The following SERPINI1 variants were observed in gnomAD, a reference collection of about 807,000 sequenced individuals.
SERPINI1 encodes the protein serpin family I member 1.
In SERPINI1, 19 loss-of-function variants were observed where a neutral mutation model predicts 41.1. That is an observed-to-expected ratio of 0.46 (90% CI 0.32 to 0.68). The LOEUF (loss-of-function observed/expected upper bound fraction) is 0.68. Among genes scored for constraint, SERPINI1 ranks in the 30% least tolerant of loss-of-function variants. The pLI is 0.03. For synonymous variants in SERPINI1, 138 were observed against 156.6 expected (o/e 0.88, Z 0.89); for missense variants, 460 against 479.2 (o/e 0.96, Z 0.37).
intron 1 of SERPINI1, among the ~76,000 whole-genome samples, chr3:167,751,784 G>A (rs750069621): frequency 5.1e-4 from 78 of 151,798 alleles, no homozygotes; most frequent in Non-Finnish European, 6.3e-4. Flanking sequence ...TTTCATGTAC[G>A]ATAATAAAGC....
intron 1 of SERPINI1, among the ~76,000 whole-genome samples, chr3:167,773,370 G>A (rs1726855666): frequency 6.6e-6 from 1 of 152,016 alleles, no homozygotes; most frequent in African/African-American, 2.4e-5. Flanking sequence ...AAATAAGAGT[G>A]GTCGATTTAC....
At chr3:167,776,001 TG>T (rs1297346522) in intron 1 of SERPINI1, among the ~76,000 whole-genome samples, 3 of 151,878 alleles carry the variant, frequency 2.0e-5, no homozygotes, top group African/African-American at 7.3e-5. Context: ...ACCTACAAAA[TG>T]GGGGGAGGCC....
At chr3:167,772,864 C>CTCTCTCTCTCTCTATA (rs1374013676) in intron 1 of SERPINI1, among the ~76,000 whole-genome samples, 17 of 24,638 alleles carry the variant, frequency 6.9e-4, no homozygotes, top group East Asian at 3.4e-3. Flanking sequence ...CTCTCTCTCT[C>CTCTCTCTCTCTCTATA]TATATATATA....
chr3:167,818,025 G>GTTTA (rs1712177217), intron 6 of SERPINI1, among the ~76,000 whole-genome samples: 1 of 151,850 alleles, frequency 6.6e-6, no homozygotes, highest in Admixed American at 6.6e-5. Flanking sequence ...TTGGTTGTTT[G>GTTTA]TTTGTTTGTT....
At chr3:167,760,107 A>G (rs552692421) in intron 1 of SERPINI1, among the ~76,000 whole-genome samples, 24 of 152,144 alleles carry the variant, frequency 1.6e-4, no homozygotes, top group Non-Finnish European at 3.5e-4. Flanking sequence ...ATGAAAATAG[A>G]TATGACTTGT....
intron 1 of SERPINI1, among the ~76,000 whole-genome samples, chr3:167,777,168 C>G (rs1726989529): frequency 6.6e-6 from 1 of 152,176 alleles, no homozygotes; most frequent in South Asian, 2.1e-4. Context: ...GACATCCACT[C>G]TGCTCCTTGG....
At chr3:167,808,074 C>T (rs537660947) in intron 6 of SERPINI1, among the ~76,000 whole-genome samples, 2 of 151,846 alleles carry the variant, frequency 1.3e-5, no homozygotes, top group South Asian at 2.1e-4. Flanking sequence ...GCCGAGATTG[C>T]ACCATTGTAC....
intron 1 of SERPINI1, among the ~76,000 whole-genome samples, chr3:167,786,833 T>TA (rs1374539002): frequency 6.6e-6 from 1 of 152,212 alleles, no homozygotes; most frequent in African/African-American, 2.4e-5. Context: ...CTGGCTCCAG[T>TA]AGTGTACAGC....
intron 6 of SERPINI1, among the ~76,000 whole-genome samples, chr3:167,809,758 A>C (rs1239992882): frequency 6.6e-6 from 1 of 152,152 alleles, no homozygotes; most frequent in Non-Finnish European, 1.5e-5. Flanking sequence ...ACACACAGTG[A>C]ATGTTCACTG....
In SERPINI1 at chr3:167,767,086, T is replaced by G. The variant is rs570494404; in HGVS notation, c.-18-22025T>G. On this transcript the variant is annotated intron_variant, in intron 1 of 8. Transcript: ENST00000446050. ...GACTTTCATAGCTGGAGAGATAAAG[T>G]CAATGTCTGGTTTTAAAACTTCAAA... Among the ~76,000 whole-genome samples the G allele has an allele frequency of 2.0e-5, 3 of 152,330 alleles. No individual in the cohort carries two copies. In the South Asian group the frequency reaches 6.2e-4, roughly 32 times the overall value.
chr3:167,755,771 A>AT (rs1437965082), intron 1 of SERPINI1, among the ~76,000 whole-genome samples: 1 of 147,710 alleles, frequency 6.8e-6, no homozygotes, highest in Non-Finnish European at 1.5e-5. Context: ...ATTATTAGCT[A>AT]TTAAAACAAG....
Position 167,739,527 on chromosome 3 carries a change from T to C in SERPINI1, c.-19+3704T>C, listed in dbSNP as rs923742043. On this transcript the variant is annotated intron_variant, in intron 1 of 8. Coordinates refer to ENST00000446050, the MANE Select transcript of SERPINI1 (RefSeq NM_001122752.2). ...GAGTGCCAGCATTTCTAAATTCATC[T>C]CAGAGATAGGATATATAGGCGAGGG... 3.9e-5 allele frequency among the ~76,000 whole-genome samples: 6 copies of C among 152,340 alleles called. No homozygotes were observed. In the East Asian group the frequency reaches 1.2e-3, roughly 29 times the overall value.
intron 5 of SERPINI1, among the ~76,000 whole-genome samples, chr3:167,805,579 A>G (rs1222624284): frequency 6.6e-6 from 1 of 152,110 alleles, no homozygotes; most frequent in Non-Finnish European, 1.5e-5. Context: ...TTTTGTTGCA[A>G]TTGGTTTTGA....
chr3:167,765,697 C>T (rs1337441278), intron 1 of SERPINI1, among the ~76,000 whole-genome samples: 1 of 152,202 alleles, frequency 6.6e-6, no homozygotes, highest in Non-Finnish European at 1.5e-5. Context: ...ATAGCATTGT[C>T]AGGCTGCAAA....
chr3:167,792,116 C>T (rs1260987941), intron 3 of SERPINI1, among the ~76,000 whole-genome samples: 1 of 152,062 alleles, frequency 6.6e-6, no homozygotes, highest in Admixed American at 6.6e-5. Context: ...CACAGAGAGA[C>T]TGTTTGTAAA....
chr3:167,820,352 G>A (rs1215373878), intron 6 of SERPINI1, among the ~76,000 whole-genome samples: 2 of 152,290 alleles, frequency 1.3e-5, no homozygotes, highest in East Asian at 1.9e-4. Context: ...TTGGAGAGGC[G>A]GGAGCCCAGC....
chr3:167,794,803 A>G lies in SERPINI1; in HGVS notation c.860A>G (p.Lys287Arg), dbSNP rs775506233. The change falls in exon 5 of 9, where the codon AAA becomes AGA. Residue 287 changes from lysine (K) to arginine (R), a missense_variant. Lys to Arg is a conservative substitution (Grantham distance 26, BLOSUM62 2). Coordinates refer to ENST00000446050, the MANE Select transcript of SERPINI1 (RefSeq NM_001122752.2). ...EEWANSVKKQ[K>R]VEVYLPRFTV... ...TGGGCAAACTCTGTGAAGAAGCAAA[A>G]AGTAGAAGTATACCTGCCCAGGTAT... 1 of 1,613,254 alleles carries G rather than the reference A, an allele frequency of 6.2e-7. No homozygotes were observed. The highest frequency in any genetic ancestry group is 8.5e-7 in the Non-Finnish European group (1 of 1,179,748).
intron 1 of SERPINI1, among the ~76,000 whole-genome samples, chr3:167,785,858 T>C (rs1415661863): frequency 6.6e-6 from 1 of 152,250 alleles, no homozygotes; most frequent in African/African-American, 2.4e-5. Context: ...AGTTGTGTTA[T>C]TGACTGACAG....
chr3:167,782,975 T>G (rs1473511), intron 1 of SERPINI1, among the ~76,000 whole-genome samples: 68,357 of 152,022 alleles, frequency 0.45, 16,320 homozygotes, highest in African/African-American at 0.61. Flanking sequence ...ACAGTACAAA[T>G]GCTGTGTTAT....
Sources: allele counts gnomAD v4.1 joint callset (sites outside exome capture counted in the v4.1 genomes callset), GRCh38; gene constraint gnomAD v4.1.1; transcripts MANE v1.5; gene names NCBI Gene and HGNC (gene_info 2026-07-23, HGNC 2026-07-21).